NSD3: variants seen among roughly 807,000 people sequenced by gnomAD.
The protein encoded by NSD3 is histone-lysine N-methyltransferase NSD3.
A neutral mutation model predicts 160.8 loss-of-function variants in NSD3; 24 were observed. The ratio of observed to expected loss-of-function variants is 0.15; its 90% CI spans 0.11 to 0.21. The LOEUF is 0.21. Ranked by LOEUF, NSD3 falls within the 10% of genes least tolerant of loss-of-function variation. The probability of loss-of-function intolerance (pLI) is 1.00; values close to 1 mark genes in which losing one functional copy is unlikely to be tolerated. For synonymous variants in NSD3, 520 were observed against 600.0 expected, an observed-to-expected ratio of 0.87 and a Z score of 1.95; for missense variants, 1,157 against 1,735.9, an observed-to-expected ratio of 0.67 and a Z score of 5.93.
intron 16 of NSD3, among the ~76,000 whole-genome samples, chr8:38,292,923 G>C (rs1809037434): frequency 6.6e-6 from 1 of 151,812 alleles, no homozygotes. Context: ...AGTGAGCCAA[G>C]ATCGCGCCAC....
At chr8:38,349,753 G>C (rs1282188719) in intron 1 of NSD3, among the ~76,000 whole-genome samples, 2 of 147,230 alleles carry the variant, frequency 1.4e-5, no homozygotes, top group Non-Finnish European at 3.0e-5. Context: ...TGTTACATAT[G>C]CATACATGTG....
intron 1 of NSD3, among the ~76,000 whole-genome samples, chr8:38,350,046 T>C (rs1191643054): frequency 6.6e-6 from 1 of 152,192 alleles, no homozygotes; most frequent in South Asian, 2.1e-4. Context: ...TAGTATTCCA[T>C]GGTGTATATG....
chr8:38,329,998 A>G lies in NSD3; in HGVS notation c.1066-105T>C. ...CTGTTATCTTTTCAGGTCTACATAA[A>G]TATCTTCAGGTTCTTTGGTCAAACA... On this transcript the variant is annotated intron_variant, in intron 5 of 23. Transcript: ENST00000317025. The surrounding 1 kb of genome is among the most constrained non-coding windows in gnomAD (Gnocchi z 4.8). 1 of 1,351,350 alleles carries G rather than the reference A, an allele frequency of 7.4e-7. No individual in the cohort carries two copies. The highest frequency in any genetic ancestry group is 9.9e-7 in the Non-Finnish European group (1 of 1,006,066). 83.7% of individuals were successfully genotyped at this position (1,351,350 alleles called of 1,614,324 possible). A position where few individuals can be genotyped will look rare whatever the true frequency, so the allele number is the denominator to read the frequency against.
At chr8:38,366,018 T>C (rs566915525) in intron 1 of NSD3, among the ~76,000 whole-genome samples, 2 of 148,178 alleles carry the variant, frequency 1.3e-5, no homozygotes, top group East Asian at 4.0e-4. Context: ...GGCTGAGGCA[T>C]GAGAATCATT....
chr8:38,307,858 TAC>T (rs1448492667), intron 12 of NSD3, among the ~76,000 whole-genome samples: 1 of 152,260 alleles, frequency 6.6e-6, no homozygotes, highest in Non-Finnish European at 1.5e-5. Flanking sequence ...GGTTATGTTT[TAC>T]TTGTGTAATT....
rs139323206 is a variant in NSD3, at chr8:38,307,039, C to T, written c.2243-1594G>A. 6.1e-3 allele frequency among the ~76,000 whole-genome samples: 918 copies of T among 150,114 alleles called. 8 individuals are homozygous for T. Among genetic ancestry groups the T allele is most frequent in the African/African-American group, 0.02 (829 of 40,930 alleles). On this transcript the variant is annotated intron_variant, in intron 12 of 23. Coordinates refer to ENST00000317025, the MANE Select transcript of NSD3 (RefSeq NM_023034.2). ...CAGAGGCAGGAGAATGGCGTCAACC[C>T]GGGAGGTGGAACCTGCAGTGAGCCG...
In NSD3 at chr8:38,272,087, C is replaced by G. The variant is rs1169323183; in HGVS notation, c.*3554G>C. ...AAAGTTGTCCAATAGCCTGTCCCAT[C>G]TGAGGGTCCTTTACATGATTAGATA... On this transcript the variant is annotated 3_prime_UTR_variant, in exon 24 of 24. Coordinates refer to ENST00000317025, the MANE Select transcript of NSD3 (RefSeq NM_023034.2). The G allele has an allele frequency of 6.6e-6, 1 of 152,222 alleles. No homozygotes were observed. Among genetic ancestry groups the G allele is most frequent in the Non-Finnish European group, 1.5e-5 (1 of 68,052 alleles). The allele number at this position is 152,222 out of a possible 1,614,324, so 9.4% of individuals were successfully genotyped here.
intron 21 of NSD3, among the ~76,000 whole-genome samples, chr8:38,278,693 A>G (rs1808669357): frequency 6.6e-6 from 1 of 152,254 alleles, no homozygotes; most frequent in African/African-American, 2.4e-5. Context: ...AGAATCTGCA[A>G]TCTATGCTCA....
intron 1 of NSD3, among the ~76,000 whole-genome samples, chr8:38,361,663 G>A (rs1323179953): frequency 1.3e-5 from 2 of 149,188 alleles, no homozygotes; most frequent in Admixed American, 1.3e-4. Context: ...GCTGAGGCAG[G>A]AGAATGGAGT....
In NSD3 at chr8:38,281,713, G is replaced by T. The variant is rs144515827; in HGVS notation, c.3502-130C>A. On this transcript the variant is annotated intron_variant, in intron 19 of 23. Coordinates refer to ENST00000317025, the MANE Select transcript of NSD3 (RefSeq NM_023034.2). ...ATAACTTCAACCCTAGAAAGAAATGGTTATTTATTCATAGGCATTCAGGTG... is the reference window on the plus strand; with the variant it reads ...ATAACTTCAACCCTAGAAAGAAATGTTTATTTATTCATAGGCATTCAGGTG... 3.0e-4 allele frequency: 151 copies of T among 502,790 alleles called. 1 individual carries two copies. The highest frequency in any genetic ancestry group is 4.5e-4 in the Non-Finnish European group (135 of 298,474). The allele number at this position is 502,790 out of a possible 1,614,324, so 31.1% of individuals were successfully genotyped here. A position where few individuals can be genotyped will look rare whatever the true frequency, so the allele number is the denominator to read the frequency against.
chr8:38,347,419 T>A, intron 2 of NSD3, 78 bp downstream of exon 2: 1 of 1,482,180 alleles, frequency 6.7e-7, no homozygotes. Context: ...TTTAAAGAGA[T>A]AAAAACCAAA....
chr8:38,358,532 T>A (rs187738565), intron 1 of NSD3, among the ~76,000 whole-genome samples: 1 of 152,244 alleles, frequency 6.6e-6, no homozygotes, highest in Non-Finnish European at 1.5e-5. Context: ...TGGCAATTTA[T>A]GCAGCAAAAA....
chr8:38,316,864 GT>G lies in NSD3; in HGVS notation c.1856-823del. ...TCCAGCCAAAACAATAGTGCAAAAA[GT>G]TACAAAGCAACAATCTCTTGGGCTA... On this transcript the variant is annotated intron_variant, in intron 9 of 23. Coordinates refer to ENST00000317025, the MANE Select transcript of NSD3 (RefSeq NM_023034.2). This position sits in a 1 kb window ranked among gnomAD's most constrained non-coding sequence, Gnocchi z 4.5. 9.4e-7 allele frequency: 1 copy of G among 1,062,678 alleles called. No individual in the cohort carries two copies. The highest frequency in any genetic ancestry group is 4.6e-5 in the South Asian group (1 of 21,934). 65.8% of individuals were successfully genotyped at this position (1,062,678 alleles called of 1,614,324 possible). A position where few individuals can be genotyped will look rare whatever the true frequency, so the allele number is the denominator to read the frequency against.
chr8:38,369,936 A>C (rs1408795369), intron 1 of NSD3, among the ~76,000 whole-genome samples: 1 of 152,082 alleles, frequency 6.6e-6, no homozygotes, highest in Non-Finnish European at 1.5e-5. Context: ...CTGGGACTAC[A>C]CGCGTGCACC....
chr8:38,369,495 A>G (rs1187550465), intron 1 of NSD3, among the ~76,000 whole-genome samples: 1 of 152,258 alleles, frequency 6.6e-6, no homozygotes, highest in Non-Finnish European at 1.5e-5. Flanking sequence ...AAGTGAGTTT[A>G]GCCAATTGAG....
intron 16 of NSD3, among the ~76,000 whole-genome samples, chr8:38,292,153 C>T (rs1809010449): frequency 6.6e-6 from 1 of 152,142 alleles, no homozygotes; most frequent in Non-Finnish European, 1.5e-5. Context: ...CTAGAAATGT[C>T]TTAAATGTAT....
intron 2 of NSD3, among the ~76,000 whole-genome samples, chr8:38,347,072 A>G (rs551806324): frequency 6.6e-6 from 1 of 152,328 alleles, no homozygotes; most frequent in Admixed American, 6.5e-5. Context: ...AAAGATTTCT[A>G]TTATTTCAGG....
rs934312971 is a variant in NSD3, at chr8:38,269,997, G to A, written c.*5644C>T. 4 of 152,116 alleles carry A rather than the reference G, an allele frequency of 2.6e-5. No homozygotes were observed. Among genetic ancestry groups the A allele is most frequent in the Admixed American group, 2.0e-4 (3 of 15,272 alleles). The allele number at this position is 152,116 out of a possible 1,614,324, so 9.4% of individuals were successfully genotyped here. On this transcript the variant is annotated 3_prime_UTR_variant, in exon 24 of 24. Coordinates refer to ENST00000317025, the MANE Select transcript of NSD3 (RefSeq NM_023034.2). ...TATACAGGTTAACCAAGCTTTACAC[G>A]TTTCACACTATGCAATAAAACATAG...
intron 19 of NSD3, among the ~76,000 whole-genome samples, chr8:38,284,557 T>C (rs948843214): frequency 1.3e-5 from 2 of 152,160 alleles, no homozygotes; most frequent in Admixed American, 6.5e-5. Context: ...CCAGCTAATT[T>C]TATATTTTTA....
Sources: gnomAD v4.1 joint callset for allele counts (sites outside exome capture counted in the v4.1 genomes callset) on GRCh38, gnomAD v4.1.1 for gene constraint, Gnocchi (gnomAD v3.1) non-coding constraint, MANE v1.5 for transcripts, NCBI Gene and HGNC (gene_info 2026-07-23, HGNC 2026-07-21) for gene names.